The following LRRC20 variants were observed in gnomAD, a reference collection of about 807,000 sequenced individuals.
LRRC20 encodes the protein leucine-rich repeat-containing protein 20.
A neutral mutation model predicts 14.4 loss-of-function variants in LRRC20; 11 were observed. The observed-to-expected ratio is 0.77, with a 90% CI of 0.48 to 1.27. The LOEUF (loss-of-function observed/expected upper bound fraction) is 1.27. Among genes scored for constraint, LRRC20 ranks in the 50% most tolerant of loss-of-function variants. The pLI, the probability that LRRC20 is intolerant of heterozygous loss-of-function variation, is 0.00. For missense variants in LRRC20, 219 were observed against 251.2 expected (o/e 0.87, Z 0.87); for synonymous variants, 121 against 107.3 (o/e 1.13, Z -0.79).
At chr10:70,379,930 T>A (rs1022795388) in intron 1 of LRRC20, among the ~76,000 whole-genome samples, 1 of 152,170 alleles carries the variant, frequency 6.6e-6, no homozygotes, top group Non-Finnish European at 1.5e-5. Flanking sequence ...ATCCATCGCA[T>A]TCGCAGTTCG....
intron 2 of LRRC20, among the ~76,000 whole-genome samples, chr10:70,345,114 C>T (rs1262357862): frequency 6.6e-6 from 1 of 151,484 alleles, no homozygotes; most frequent in African/African-American, 2.4e-5. Flanking sequence ...ATATTATAAG[C>T]CTAAAATAAT....
chr10:70,340,319 A>G (rs1842867448), intron 3 of LRRC20, among the ~76,000 whole-genome samples: 1 of 152,150 alleles, frequency 6.6e-6, no homozygotes, highest in Non-Finnish European at 1.5e-5. Flanking sequence ...CACTCCAGGA[A>G]CCACACCCTT....
rs142083448 is a variant in LRRC20, at chr10:70,342,196, A to T, written c.83-1494T>A. ...ATGGTGGCACATGCCTGCAATCCCAACTACTCGGGAGGCTGAGTCATGAGA... is the reference window on the plus strand; with the variant it reads ...ATGGTGGCACATGCCTGCAATCCCATCTACTCGGGAGGCTGAGTCATGAGA... On this transcript the variant is annotated intron_variant, in intron 2 of 4. Coordinates refer to ENST00000446961, the MANE Select transcript of LRRC20 (RefSeq NM_001278212.2). Among the ~76,000 whole-genome samples the T allele has an allele frequency of 1.8e-3, 278 of 152,020 alleles. 3 individuals are homozygous for T. Among genetic ancestry groups the T allele is most frequent in the African/African-American group, 6.0e-3 (249 of 41,466 alleles).
chr10:70,354,409 G>T (rs1219705976), intron 2 of LRRC20, among the ~76,000 whole-genome samples: 2 of 152,160 alleles, frequency 1.3e-5, no homozygotes, highest in Non-Finnish European at 2.9e-5. Context: ...ACACTAAGTA[G>T]CAAGGGCTAC....
chr10:70,362,053 T>C (rs7101097), intron 2 of LRRC20, among the ~76,000 whole-genome samples: 140,458 of 152,266 alleles, frequency 0.92, 64,958 homozygotes, highest in Middle Eastern at 0.97. Flanking sequence ...CCAATAGTGA[T>C]ACACGCCTGT....
chr10:70,302,620 C>T (rs1439886092), intron 4 of LRRC20, among the ~76,000 whole-genome samples: 1 of 152,018 alleles, frequency 6.6e-6, no homozygotes, highest in Non-Finnish European at 1.5e-5. Context: ...AGGCTATAGT[C>T]TCAGCTAGTC....
intron 2 of LRRC20, among the ~76,000 whole-genome samples, chr10:70,372,412 G>A (rs972358351): frequency 4.7e-5 from 7 of 148,656 alleles, no homozygotes; most frequent in Non-Finnish European, 1.0e-4. Context: ...TCCAGTTCAC[G>A]TTATATATGA....
At chr10:70,322,687 G>A (rs756952902) in intron 4 of LRRC20, among the ~76,000 whole-genome samples, 3 of 152,158 alleles carry the variant, frequency 2.0e-5, no homozygotes, top group Admixed American at 6.5e-5. Context: ...GGCAAGAGAC[G>A]TCTATCCTGG....
At chr10:70,350,124 A>C (rs1238810529) in intron 2 of LRRC20, among the ~76,000 whole-genome samples, 1 of 146,544 alleles carries the variant, frequency 6.8e-6, no homozygotes, top group Non-Finnish European at 1.5e-5. Flanking sequence ...GGAATCATTT[A>C]GTGCTAAATG....
chr10:70,310,052 G>A (rs1841593469), intron 4 of LRRC20, among the ~76,000 whole-genome samples: 1 of 152,234 alleles, frequency 6.6e-6, no homozygotes, highest in South Asian at 2.1e-4. Context: ...ATTAGGTATA[G>A]CTCTTTCCCC....
At chr10:70,371,176 G>A (rs531497371) in intron 2 of LRRC20, among the ~76,000 whole-genome samples, 2 of 151,370 alleles carry the variant, frequency 1.3e-5, no homozygotes, top group South Asian at 2.1e-4. Flanking sequence ...ACTTTTTCTC[G>A]CCCAGGCTGG....
intron 2 of LRRC20, among the ~76,000 whole-genome samples, chr10:70,374,169 C>A (rs1034158297): frequency 6.6e-6 from 1 of 152,166 alleles, no homozygotes. Flanking sequence ...ACACCCCTGC[C>A]ACTGCCTGGA....
chr10:70,332,016 G>A (rs1460110231), intron 3 of LRRC20, among the ~76,000 whole-genome samples: 2 of 152,168 alleles, frequency 1.3e-5, no homozygotes, highest in African/African-American at 4.8e-5. Flanking sequence ...ACCCATGCTC[G>A]AAGGAATGTG....
At chr10:70,305,337 C>A (rs979526874) in intron 4 of LRRC20, among the ~76,000 whole-genome samples, 1 of 152,148 alleles carries the variant, frequency 6.6e-6, no homozygotes, top group Non-Finnish European at 1.5e-5. Context: ...AATATCTCTT[C>A]GAGACCCTGC....
intron 2 of LRRC20, among the ~76,000 whole-genome samples, chr10:70,345,537 G>C (rs1438876171): frequency 1.3e-5 from 2 of 151,660 alleles, no homozygotes; most frequent in Non-Finnish European, 2.9e-5. Context: ...TCTGTAAATA[G>C]GATGCATACA....
chr10:70,302,240 G>A (rs565998027), intron 4 of LRRC20, among the ~76,000 whole-genome samples: 11 of 152,236 alleles, frequency 7.2e-5, no homozygotes, highest in Admixed American at 2.6e-4. Flanking sequence ...TTGAACCCAC[G>A]AGGCGGAGGT....
At chr10:70,337,547 C>T (rs567158270) in intron 3 of LRRC20, among the ~76,000 whole-genome samples, 1 of 152,332 alleles carries the variant, frequency 6.6e-6, no homozygotes, top group Admixed American at 6.5e-5. Flanking sequence ...CCCACAGATG[C>T]ATGGGCTAAG....
intron 2 of LRRC20, among the ~76,000 whole-genome samples, chr10:70,365,053 CTTTTTTTTTTTT>C (rs10581759): frequency 4.2e-5 from 3 of 71,430 alleles, no homozygotes; most frequent in African/African-American, 1.6e-4. Flanking sequence ...TGAGATTCAA[CTTTTTTTTTTTT>C]TTTTTTTTTT....
intron 4 of LRRC20, among the ~76,000 whole-genome samples, chr10:70,302,733 C>T (rs1841254860): frequency 6.9e-6 from 1 of 145,582 alleles, no homozygotes; most frequent in Non-Finnish European, 1.5e-5. Flanking sequence ...TTTTTTGAGA[C>T]GGAGTTTCGC....
Sources: gnomAD v4.1 joint callset for allele counts (sites outside exome capture counted in the v4.1 genomes callset) on GRCh38, gnomAD v4.1.1 for gene constraint, MANE v1.5 for transcripts, NCBI Gene and HGNC (gene_info 2026-07-23, HGNC 2026-07-21) for gene names.